The following AP2A2 variants were observed in gnomAD, a reference collection of about 807,000 sequenced individuals.
The protein encoded by AP2A2 is adaptor related protein complex 2 subunit alpha 2, also known as AP-2 complex subunit alpha-2.
AP2A2 carries 32 observed loss-of-function variants against 104.2 expected under a neutral mutation model. That is an observed-to-expected ratio of 0.31 (90% CI 0.23 to 0.41). The LOEUF (loss-of-function observed/expected upper bound fraction) is 0.41, where lower values mean the gene tolerates loss of function less well. AP2A2 is among the 10% of genes least tolerant of loss of function. The pLI, the probability that AP2A2 is intolerant of heterozygous loss-of-function variation, is 1.00. For synonymous variants in AP2A2, 539 were observed against 533.3 expected (o/e 1.01, Z -0.15); for missense variants, 912 against 1,261.0 (o/e 0.72, Z 4.19).
At chr11:988,526 C>G (rs1855539264) in intron 9 of AP2A2, 26 bp from the exon 10 acceptor site, 2 of 1,605,872 alleles carry the variant, frequency 1.2e-6, no homozygotes, top group Non-Finnish European at 1.7e-6. Flanking sequence ...CTCCTGCGAC[C>G]TCTTACTCTG....
rs771570594 is a variant in AP2A2, at chr11:993,248, T to C, written c.1453-36T>C. 1 of 1,560,144 alleles carries C rather than the reference T, an allele frequency of 6.4e-7. No homozygotes were observed. The highest frequency in any genetic ancestry group is 8.7e-7 in the Non-Finnish European group (1 of 1,150,638). On this transcript the variant is annotated intron_variant, in intron 11 of 21. Coordinates refer to ENST00000448903, the MANE Select transcript of AP2A2 (RefSeq NM_012305.4). The surrounding 1 kb of genome is among the most constrained non-coding windows in gnomAD (Gnocchi z 8.2). Reference sequence around the variant, plus strand: ...CCCGCCTCGCCTTAACTCTGGCACCTGGCTGCCACCCCGGCTCATTGTTTG... The same window carrying C: ...CCCGCCTCGCCTTAACTCTGGCACCCGGCTGCCACCCCGGCTCATTGTTTG...
At chr11:1,000,270 C>T (rs988695931) in intron 14 of AP2A2, among the ~76,000 whole-genome samples, 162 bp from the exon 15 acceptor site, 2 of 152,202 alleles carry the variant, frequency 1.3e-5, no homozygotes, top group Non-Finnish European at 2.9e-5. Context: ...TGTTAGCCCT[C>T]ACTCTCTGGT....
chr11:963,545 C>T (rs1854510645), intron 2 of AP2A2, among the ~76,000 whole-genome samples: 2 of 152,204 alleles, frequency 1.3e-5, no homozygotes, highest in Admixed American at 1.3e-4. Flanking sequence ...TTCACTTGCT[C>T]ACTGACCGCA....
intron 14 of AP2A2, among the ~76,000 whole-genome samples, chr11:994,720 G>A (rs547290438): frequency 3.5e-5 from 5 of 144,082 alleles, no homozygotes; most frequent in South Asian, 2.2e-4. Context: ...GTCCTGTCCC[G>A]GGGGCCACTG....
chr11:977,142 G>C lies in AP2A2; in HGVS notation c.521G>C (p.Arg174Pro), dbSNP rs549459789. 3.1e-6 allele frequency: 5 copies of C among 1,613,756 alleles called. No individual in the cohort carries two copies. The South Asian group carries it at 5.5e-5, about 18-fold the overall frequency. The change falls in exon 5 of 22, where the codon CGC becomes CCC. Residue 174 changes from arginine (R) to proline (P), a missense_variant. This residue lies in a region of AP2A2 where 350 missense variants were observed against 487.0 expected (regional missense o/e 0.72). Coordinates refer to ENST00000448903, the MANE Select transcript of AP2A2 (RefSeq NM_012305.4). Reference sequence around the variant, plus strand: ...CAGAGCGCGGCCCTGTGCTTGCTGCGCCTGTACAGGACGTCCCCCGATCTT... The same window carrying C: ...CAGAGCGCGGCCCTGTGCTTGCTGCCCCTGTACAGGACGTCCCCCGATCTT... Reference protein sequence around the residue: ...VKQSAALCLLRLYRTSPDLVP... With the variant: ...VKQSAALCLLPLYRTSPDLVP...
chr11:1,007,601 TC>T (rs1003671006), intron 17 of AP2A2: 6 of 247,636 alleles, frequency 2.4e-5, no homozygotes, highest in Non-Finnish European at 4.8e-5. Flanking sequence ...ACAACCCTGG[TC>T]CCAGCAGGGC....
chr11:967,651 T>C (rs909570201), intron 2 of AP2A2, among the ~76,000 whole-genome samples: 4 of 152,140 alleles, frequency 2.6e-5, no homozygotes, highest in African/African-American at 4.8e-5. Flanking sequence ...TGAGCCACCA[T>C]GCGCGGCCCT....
At chr11:1,004,038 A>G (rs1013321778) in intron 16 of AP2A2, among the ~76,000 whole-genome samples, 2 of 152,004 alleles carry the variant, frequency 1.3e-5, no homozygotes, top group African/African-American at 4.8e-5. Flanking sequence ...GGGTGGGTGC[A>G]AAGTTGTTGA....
chr11:989,902 C>T (rs369502495), intron 10 of AP2A2, among the ~76,000 whole-genome samples: 18 of 152,190 alleles, frequency 1.2e-4, no homozygotes, highest in Admixed American at 7.9e-4. Context: ...GTATAGAAAG[C>T]GCTTTGTTAT....
chr11:965,508 G>A (rs1327895748), intron 2 of AP2A2, among the ~76,000 whole-genome samples: 2 of 152,196 alleles, frequency 1.3e-5, no homozygotes, highest in African/African-American at 2.4e-5. Context: ...TGTGGCCTAA[G>A]GTGTGTGGAG....
At chr11:947,065 G>A (rs12295141) in intron 1 of AP2A2, 75,135 of 148,552 alleles carry the variant, frequency 0.51, 19,645 homozygotes, top group Middle Eastern at 0.66. Context: ...GCTAGAGTGC[G>A]GTGGCGCCGA....
At chr11:941,011 C>T (rs1013385066) in intron 1 of AP2A2, 15 of 428,814 alleles carry the variant, frequency 3.5e-5, no homozygotes, top group East Asian at 7.1e-5. Flanking sequence ...CTCCACACTC[C>T]GTGGAGCTCG....
chr11:986,723 T>A (rs1408984006), intron 8 of AP2A2, 62 bp from the exon 9 acceptor site: 8 of 1,572,792 alleles, frequency 5.1e-6, no homozygotes, highest in Middle Eastern at 2.1e-4. Flanking sequence ...GAACGCAGAC[T>A]CTGTCCAGTT....
chr11:933,488 A>C, intron 1 of AP2A2: 1 of 454,394 alleles, frequency 2.2e-6, no homozygotes, highest in Non-Finnish European at 4.4e-6. Flanking sequence ...GGATAGGTTG[A>C]GGTGGGTGTT....
intron 1 of AP2A2, among the ~76,000 whole-genome samples, chr11:947,441 A>C (rs565562468): frequency 6.6e-6 from 1 of 152,204 alleles, no homozygotes; most frequent in Non-Finnish European, 1.5e-5. Context: ...TTATAGGAGC[A>C]ACATTTCTCC....
intron 1 of AP2A2, among the ~76,000 whole-genome samples, chr11:951,900 C>G (rs944311279): frequency 2.7e-5 from 4 of 147,902 alleles, no homozygotes; most frequent in Non-Finnish European, 6.0e-5. Context: ...AGAGTCTCAC[C>G]TTGTTGCCTA....
intron 14 of AP2A2, 37 bp downstream of exon 14, chr11:994,282 G>T (rs766242098): frequency 6.2e-7 from 1 of 1,606,202 alleles, no homozygotes. Flanking sequence ...AGACCTGTCA[G>T]GGCCTCACCC....
At chr11:962,997 T>G (rs1327750013) in intron 2 of AP2A2, among the ~76,000 whole-genome samples, 2 of 152,098 alleles carry the variant, frequency 1.3e-5, no homozygotes, top group African/African-American at 4.8e-5. Flanking sequence ...CTGTCCAATT[T>G]AGAAATAGAG....
intron 16 of AP2A2, among the ~76,000 whole-genome samples, chr11:1,005,696 C>T (rs545209996): frequency 1.3e-5 from 2 of 152,138 alleles, no homozygotes; most frequent in African/African-American, 4.8e-5. Context: ...GTCCTCTGCC[C>T]GCCAGGGGTC....
Sources: gnomAD v4.1 joint callset for allele counts (sites outside exome capture counted in the v4.1 genomes callset) on GRCh38, gnomAD v4.1.1 for gene constraint, gnomAD v4.1.1 regional missense constraint, Gnocchi (gnomAD v3.1) non-coding constraint, MANE v1.5 for transcripts, NCBI Gene and HGNC (gene_info 2026-07-23, HGNC 2026-07-21) for gene names.